The following OSBPL1A variants were observed in gnomAD, a reference collection of about 807,000 sequenced individuals.
The protein encoded by OSBPL1A is oxysterol binding protein like 1A.
OSBPL1A carries 80 observed loss-of-function variants against 137.1 expected under a neutral mutation model. The ratio of observed to expected loss-of-function variants is 0.58; its 90% CI spans 0.49 to 0.70. The LOEUF is 0.70. Ranked by LOEUF, OSBPL1A falls within the 30% of genes least tolerant of loss-of-function variation. The pLI is 0.00. For synonymous variants in OSBPL1A, 365 were observed against 389.7 expected, an observed-to-expected ratio of 0.94 and a Z score of 0.75; for missense variants, 970 against 1,129.4, an observed-to-expected ratio of 0.86 and a Z score of 2.02.
In OSBPL1A at chr18:24,317,380, C is replaced by T; in HGVS notation, c.753G>A (p.Trp251Ter). Reference sequence around the variant, plus strand: ...GCTCTAACACTACCCAGAATAATCTCCAGCCAAAAAATCTTGAACTCTAAG... The same window carrying T: ...GCTCTAACACTACCCAGAATAATCTTCAGCCAAAAAATCTTGAACTCTAAG... ...PLWKSSRFFG[W>*]RLFWVVLEHG... The change falls in exon 10 of 28, where the codon TGG becomes TGA. Residue 251 changes from tryptophan (W) to a stop codon, truncating the protein, a stop_gained. Transcript: ENST00000319481. LOFTEE classifies it high-confidence loss of function. 6.2e-7 allele frequency: 1 copy of T among 1,613,658 alleles called. No individual in the cohort carries two copies. The highest frequency in any genetic ancestry group is 8.5e-7 in the Non-Finnish European group (1 of 1,179,756).
chr18:24,219,894 T>C (rs1258135879), intron 17 of OSBPL1A, among the ~76,000 whole-genome samples: 2 of 152,206 alleles, frequency 1.3e-5, no homozygotes, highest in African/African-American at 4.8e-5. Context: ...CCTAGTATAC[T>C]TGAAGTGACC....
chr18:24,271,935 G>T lies in OSBPL1A; in HGVS notation c.1281+8907C>A, dbSNP rs1478194906. The T allele has an allele frequency of 1.0e-5, 10 of 983,092 alleles. No homozygotes were observed. The highest frequency in any genetic ancestry group is 1.2e-5 in the Non-Finnish European group (10 of 829,282). 60.9% of individuals were successfully genotyped at this position (983,092 alleles called of 1,614,324 possible). A position where few individuals can be genotyped will look rare whatever the true frequency, so the allele number is the denominator to read the frequency against. The stretch of plus-strand genomic sequence containing the variant: ...AGGTCTGCGCTGCCCCTCCGCCGCC[G>T]CTGGCTCGGCCGCAGACCCGCCCTC... On this transcript the variant is annotated intron_variant, in intron 15 of 27. Transcript: ENST00000319481. The surrounding 1 kb of genome is among the most constrained non-coding windows in gnomAD (Gnocchi z 4.0).
Position 24,178,171 on chromosome 18 carries a change from G to T in OSBPL1A, c.1935C>A (p.Ile645=), listed in dbSNP as rs2086498786. The part of the protein sequence containing the change: ...LVRDDLGFRL[I]SEQVSHHPPI... ...GTGGGTGATGGCTGACCTGTTCGGA[G>T]ATGAGTCTAAATCCAAGGTCATCTC... The change falls in exon 21 of 28, where the codon ATC becomes ATA. Residue 645 remains isoleucine, a synonymous_variant. Transcript: ENST00000319481. 7 of 1,504,314 alleles carry T rather than the reference G, an allele frequency of 4.7e-6. No individual in the cohort carries two copies. The highest frequency in any genetic ancestry group is 1.5e-5 in the African/African-American group (1 of 67,528). The allele number at this position is 1,504,314 out of a possible 1,614,324, so 93.2% of individuals were successfully genotyped here.
chr18:24,306,876 G>C (rs1386758446), intron 13 of OSBPL1A, among the ~76,000 whole-genome samples: 5 of 151,812 alleles, frequency 3.3e-5, no homozygotes, highest in Non-Finnish European at 7.4e-5. Flanking sequence ...TTTCTTCTTT[G>C]CAGAAAATGG....
chr18:24,218,069 T>C (rs913601435), intron 17 of OSBPL1A, among the ~76,000 whole-genome samples: 5 of 152,152 alleles, frequency 3.3e-5, no homozygotes, highest in South Asian at 4.2e-4. Flanking sequence ...TTAAGAGACA[T>C]AGAAACCAAA....
chr18:24,389,976 A>T (rs1318565915), intron 1 of OSBPL1A, among the ~76,000 whole-genome samples: 1 of 152,078 alleles, frequency 6.6e-6, no homozygotes, highest in Non-Finnish European at 1.5e-5. Context: ...AAATCTATAG[A>T]ACCAAGATAA....
At chr18:24,334,095 A>G (rs756534926) in intron 6 of OSBPL1A, 150 bp downstream of exon 6, 4 of 527,594 alleles carry the variant, frequency 7.6e-6, no homozygotes, top group Non-Finnish European at 1.3e-5. Context: ...GTGTTTTTAG[A>G]TATTAAGAAC....
chr18:24,241,580 C>T (rs945368790), intron 15 of OSBPL1A, among the ~76,000 whole-genome samples: 19 of 152,126 alleles, frequency 1.2e-4, no homozygotes, highest in Admixed American at 1.2e-3. Context: ...AATGAGATAC[C>T]ATCTTACGCC....
chr18:24,243,579 T>C (rs1022627718), intron 15 of OSBPL1A, among the ~76,000 whole-genome samples: 2 of 152,186 alleles, frequency 1.3e-5, no homozygotes, highest in African/African-American at 4.8e-5. Context: ...AAAAATCTTA[T>C]TCAAAATGCA....
chr18:24,210,903 TCTTGA>T (rs2087519111), intron 17 of OSBPL1A, among the ~76,000 whole-genome samples: 1 of 152,220 alleles, frequency 6.6e-6, no homozygotes, highest in Non-Finnish European at 1.5e-5. Context: ...GAAAATAATT[TCTTGA>T]CTTATTAATT....
rs533685955 is a variant in OSBPL1A at position 24,337,860 on chromosome 18, T to C, written c.395-3530A>G. Among the ~76,000 whole-genome samples, 234 of 151,938 alleles carry C rather than the reference T, an allele frequency of 1.5e-3. 2 individuals carry two copies. Among genetic ancestry groups the C allele is most frequent in the African/African-American group, 5.0e-3 (208 of 41,478 alleles). On this transcript the variant is annotated intron_variant, in intron 5 of 27. Coordinates refer to ENST00000319481, the MANE Select transcript of OSBPL1A (RefSeq NM_080597.4). Reference sequence around the variant, plus strand: ...GAAAATAATCCTTGTTCTTAAGAGATACTGAAGTACTTAGGGGTGAAGTAT... The same window carrying C: ...GAAAATAATCCTTGTTCTTAAGAGACACTGAAGTACTTAGGGGTGAAGTAT...
chr18:24,359,011 G>A (rs2091580576), intron 4 of OSBPL1A, among the ~76,000 whole-genome samples: 1 of 152,144 alleles, frequency 6.6e-6, no homozygotes, highest in Non-Finnish European at 1.5e-5. Context: ...GAGCCCAGGA[G>A]TTTCAGACCA....
chr18:24,318,488 AG>A, intron 9 of OSBPL1A, 112 bp downstream of exon 9: 9 of 883,788 alleles, frequency 1.0e-5, no homozygotes, highest in Non-Finnish European at 1.4e-5. Flanking sequence ...ACGATCCAAG[AG>A]CGATTAAATC....
Position 24,360,431 on chromosome 18 carries a change from CTT to C in OSBPL1A, c.282+6459_282+6460del, listed in dbSNP as rs200067024. 9.9e-3 allele frequency among the ~76,000 whole-genome samples: 1,501 copies of C among 152,284 alleles called. 18 individuals are homozygous for C. The highest frequency in any genetic ancestry group is 0.028 in the African/African-American group (1,171 of 41,554). On this transcript the variant is annotated intron_variant, in intron 4 of 27. Coordinates refer to ENST00000319481, the MANE Select transcript of OSBPL1A (RefSeq NM_080597.4). The stretch of plus-strand genomic sequence containing the variant: ...AAATGATCACATAGGAATGAGATAA[CTT>C]GATTCTTTTCATGAGAATTAGAAAC...
At chr18:24,252,820 G>A (rs146220520) in intron 15 of OSBPL1A, among the ~76,000 whole-genome samples, 230 of 151,896 alleles carry the variant, frequency 1.5e-3, no homozygotes, top group African/African-American at 5.1e-3. Context: ...GTAAAAAGCC[G>A]GGAGAATGAA....
chr18:24,343,640 A>G (rs2091302978), intron 4 of OSBPL1A, among the ~76,000 whole-genome samples: 1 of 152,234 alleles, frequency 6.6e-6, no homozygotes, highest in Non-Finnish European at 1.5e-5. Flanking sequence ...AACAGAACAG[A>G]ATAGAGAGCC....
chr18:24,238,096 T>C (rs976848179), intron 16 of OSBPL1A, among the ~76,000 whole-genome samples: 8 of 152,232 alleles, frequency 5.3e-5, no homozygotes, highest in African/African-American at 1.9e-4. Context: ...TCATTTTCCA[T>C]GTACTGTATT....
chr18:24,376,745 C>A (rs886592059), intron 2 of OSBPL1A, among the ~76,000 whole-genome samples: 1 of 152,224 alleles, frequency 6.6e-6, no homozygotes, highest in Non-Finnish European at 1.5e-5. Context: ...AGCTAAGGCC[C>A]GGTGAGAGAT....
chr18:24,366,970 G>C lies in OSBPL1A; in HGVS notation c.208-4C>G. ...ACACATTCACTTCTGCACCAGCCTA[G>C]TAAACATGACCACTTTAAATACCAA... On this transcript the variant is annotated splice_polypyrimidine_tract_variant and splice_region_variant and intron_variant, in intron 3 of 27. Transcript: ENST00000319481. The C allele has an allele frequency of 3.1e-6, 5 of 1,604,214 alleles. No homozygotes were observed. The highest frequency in any genetic ancestry group is 4.3e-6 in the Non-Finnish European group (5 of 1,175,330).
Sources: allele counts gnomAD v4.1 joint callset (sites outside exome capture counted in the v4.1 genomes callset), GRCh38; gene constraint gnomAD v4.1.1; non-coding constraint Gnocchi (gnomAD v3.1); transcripts MANE v1.5; gene names NCBI Gene and HGNC (gene_info 2026-07-23, HGNC 2026-07-21).